Variants in UBE2D1 observed in about 807,000 individuals in gnomAD.
UBE2D1 encodes the protein ubiquitin conjugating enzyme E2 D1.
In UBE2D1, 9 loss-of-function variants were observed where a neutral mutation model predicts 24.6. That is an observed-to-expected ratio of 0.37 (90% CI 0.22 to 0.64). The LOEUF (loss-of-function observed/expected upper bound fraction) is 0.64. UBE2D1 is among the 30% of genes least tolerant of loss of function. The pLI, the probability that UBE2D1 is intolerant of heterozygous loss-of-function variation, is 0.64. For synonymous variants in UBE2D1, 57 were observed against 57.6 expected (o/e 0.99, Z 0.04); for missense variants, 87 against 177.1 (o/e 0.49, Z 2.89).
At chr10:58,335,268 C>T in intron 1 of UBE2D1, 43 bp downstream of exon 1, 2 of 1,497,008 alleles carry the variant, frequency 1.3e-6, no homozygotes, top group Non-Finnish European at 1.8e-6. Context: ...GCAGCGGCCC[C>T]CTGCCCACGC....
At chr10:58,343,341 A>G (rs1256957834) in intron 1 of UBE2D1, among the ~76,000 whole-genome samples, 2 of 152,146 alleles carry the variant, frequency 1.3e-5, no homozygotes, top group Non-Finnish European at 2.9e-5. Context: ...AATAGAAAAT[A>G]TTAGTGCTTT....
intron 1 of UBE2D1, among the ~76,000 whole-genome samples, chr10:58,347,047 T>A (rs1010220790): frequency 5.3e-5 from 8 of 152,206 alleles, no homozygotes; most frequent in African/African-American, 1.9e-4. Flanking sequence ...TTCCTCCTTC[T>A]GTTATCCAGT....
chr10:58,338,911 T>C (rs1214682778), intron 1 of UBE2D1, among the ~76,000 whole-genome samples: 2 of 152,246 alleles, frequency 1.3e-5, no homozygotes, highest in East Asian at 3.8e-4. Context: ...TTAGTTGTTT[T>C]TGTTTTTTAA....
chr10:58,364,694 A>G (rs1046268950), intron 4 of UBE2D1, 77 bp from the exon 5 acceptor site: 1 of 1,037,150 alleles, frequency 9.6e-7, no homozygotes, highest in African/African-American at 1.6e-5. Flanking sequence ...ATTTTACCCT[A>G]GAGCAAATTG....
intron 1 of UBE2D1, among the ~76,000 whole-genome samples, chr10:58,337,938 C>T (rs368935644): frequency 2.0e-5 from 3 of 152,036 alleles, no homozygotes; most frequent in East Asian, 3.9e-4. Context: ...CCTCTGCCTC[C>T]TGGGTTCAAG....
chr10:58,361,923 A>G (rs890981533), intron 3 of UBE2D1, among the ~76,000 whole-genome samples: 1 of 152,140 alleles, frequency 6.6e-6, no homozygotes, highest in African/African-American at 2.4e-5. Flanking sequence ...ACAAGTAACA[A>G]GTGTCAGTTT....
chr10:58,336,923 C>T (rs932264818), intron 1 of UBE2D1, among the ~76,000 whole-genome samples: 1 of 152,172 alleles, frequency 6.6e-6, no homozygotes. Context: ...GGATTACAGA[C>T]ACAAGTCACC....
intron 3 of UBE2D1, among the ~76,000 whole-genome samples, chr10:58,362,340 TTAAA>T (rs1400207588): frequency 6.6e-6 from 1 of 152,172 alleles, no homozygotes; most frequent in African/African-American, 2.4e-5. Context: ...GTGTTTAACT[TTAAA>T]AAACACCAAA....
At chr10:58,337,052 A>C (rs1054137412) in intron 1 of UBE2D1, among the ~76,000 whole-genome samples, 1 of 152,186 alleles carries the variant, frequency 6.6e-6, no homozygotes, top group South Asian at 2.1e-4. Context: ...CACCATGCTG[A>C]ACTAGTGTAT....
At chr10:58,335,932 T>C (rs1004757462) in intron 1 of UBE2D1, among the ~76,000 whole-genome samples, 19 of 152,204 alleles carry the variant, frequency 1.2e-4, no homozygotes, top group Non-Finnish European at 7.3e-5. Flanking sequence ...AACAGGTTTT[T>C]TTCCCCCTCA....
intron 1 of UBE2D1, among the ~76,000 whole-genome samples, chr10:58,349,864 T>C (rs528401371): frequency 2.0e-5 from 3 of 152,326 alleles, no homozygotes; most frequent in East Asian, 1.9e-4. Flanking sequence ...CGTACATTAC[T>C]GTAGCCTGTT....
chr10:58,356,397 A>G (rs1248715653), intron 1 of UBE2D1, among the ~76,000 whole-genome samples: 2 of 152,080 alleles, frequency 1.3e-5, no homozygotes, highest in Non-Finnish European at 2.9e-5. Context: ...ACATTTTTCA[A>G]TGTCAATATA....
At chr10:58,348,438 C>T (rs537363242) in intron 1 of UBE2D1, among the ~76,000 whole-genome samples, 1 of 152,264 alleles carries the variant, frequency 6.6e-6, no homozygotes, top group South Asian at 2.1e-4. Context: ...GAATCACTGT[C>T]TTGTTTTAGG....
At chr10:58,359,594 TC>T (rs1297019274) in intron 1 of UBE2D1, among the ~76,000 whole-genome samples, 4 of 152,212 alleles carry the variant, frequency 2.6e-5, no homozygotes, top group African/African-American at 9.7e-5. Context: ...GTTCTCTATC[TC>T]AGTGAATGGC....
In UBE2D1 at chr10:58,368,839, G is replaced by A. The variant is rs1840285048; in HGVS notation, c.*74G>A. The stretch of plus-strand genomic sequence containing the variant: ...TTTTTCAACATTAGCAGTAAATTGA[G>A]CACTGTTTACTGTTTCATTGTACCA... On this transcript the variant is annotated 3_prime_UTR_variant, in exon 7 of 7. Coordinates refer to ENST00000373910, the MANE Select transcript of UBE2D1 (RefSeq NM_003338.5). 3 of 1,003,798 alleles carry A rather than the reference G, an allele frequency of 3.0e-6. No individual in the cohort carries two copies. The highest frequency in any genetic ancestry group is 2.4e-5 in the Admixed American group (1 of 42,444). The allele number at this position is 1,003,798 out of a possible 1,614,324, so 62.2% of individuals were successfully genotyped here. A position where few individuals can be genotyped will look rare whatever the true frequency, so the allele number is the denominator to read the frequency against.
At chr10:58,349,859 A>G (rs1157576287) in intron 1 of UBE2D1, among the ~76,000 whole-genome samples, 4 of 152,134 alleles carry the variant, frequency 2.6e-5, no homozygotes, top group Non-Finnish European at 5.9e-5. Flanking sequence ...ATCACCGTAC[A>G]TTACTGTAGC....
intron 1 of UBE2D1, among the ~76,000 whole-genome samples, chr10:58,338,428 C>T (rs530388080): frequency 2.3e-4 from 35 of 152,026 alleles, no homozygotes; most frequent in African/African-American, 8.2e-4. Context: ...AAGATGTTAT[C>T]GCAGTCACCT....
intron 1 of UBE2D1, among the ~76,000 whole-genome samples, chr10:58,342,283 T>C (rs1839969002): frequency 1.3e-5 from 2 of 152,338 alleles, no homozygotes; most frequent in South Asian, 2.1e-4. Flanking sequence ...TCTATTCATA[T>C]GGTCCCGTTT....
At chr10:58,368,570 A>G (rs1212771040) in intron 6 of UBE2D1, 150 bp from the exon 7 acceptor site, 2 of 417,960 alleles carry the variant, frequency 4.8e-6, no homozygotes, top group African/African-American at 4.1e-5. Context: ...TTATTTCTGC[A>G]TGAACCTAAG....
Sources: allele counts gnomAD v4.1 joint callset (sites outside exome capture counted in the v4.1 genomes callset), GRCh38; gene constraint gnomAD v4.1.1; transcripts MANE v1.5; gene names NCBI Gene and HGNC (gene_info 2026-07-23, HGNC 2026-07-21).